ITGB1: variants seen among roughly 807,000 people sequenced by gnomAD.
The protein encoded by ITGB1 is integrin subunit beta 1.
A neutral mutation model predicts 86.5 loss-of-function variants in ITGB1; 24 were observed. The ratio of observed to expected loss-of-function variants is 0.28; its 90% CI spans 0.20 to 0.39. The LOEUF is 0.39. ITGB1 is among the 10% of genes least tolerant of loss of function. The pLI is 1.00. For synonymous variants in ITGB1, 323 were observed against 316.8 expected (o/e 1.02, Z -0.21); for missense variants, 556 against 946.9 (o/e 0.59, Z 5.42).
rs547872126 is a variant in ITGB1, at chr10:32,927,944, G to C, written c.547+150C>G. The C allele has an allele frequency of 8.1e-5, 43 of 532,772 alleles. 1 individual carries two copies. The highest frequency in any genetic ancestry group is 5.1e-4 in the Middle Eastern group (1 of 1,942). 33.0% of individuals were successfully genotyped at this position (532,772 alleles called of 1,614,324 possible). A position where few individuals can be genotyped will look rare whatever the true frequency, so the allele number is the denominator to read the frequency against. On this transcript the variant is annotated intron_variant, in intron 5 of 15. Coordinates refer to ENST00000302278, the MANE Select transcript of ITGB1 (RefSeq NM_002211.4). Reference sequence around the variant, plus strand: ...GAAAAGATTATTAAACGTGTGACTGGAATATCAACTTCCACTCAGAAAAGG... The same window carrying C: ...GAAAAGATTATTAAACGTGTGACTGCAATATCAACTTCCACTCAGAAAAGG...
At chr10:32,957,980 AG>A in intron 1 of ITGB1, 164 bp downstream of exon 1, 1 of 148,284 alleles carries the variant, frequency 6.7e-6, no homozygotes, top group East Asian at 2.1e-4. Flanking sequence ...ATCCTGCCCC[AG>A]CCCCCAACCG....
intron 1 of ITGB1, among the ~76,000 whole-genome samples, chr10:32,948,259 C>A (rs956050973): frequency 1.3e-5 from 2 of 152,020 alleles, no homozygotes; most frequent in African/African-American, 4.8e-5. Context: ...AGATTCCTGA[C>A]AAATGTGTTC....
intron 10 of ITGB1, 33 bp downstream of exon 10, chr10:32,920,212 T>A: frequency 6.3e-7 from 1 of 1,598,362 alleles, no homozygotes; most frequent in South Asian, 1.1e-5. Flanking sequence ...AAATAACCAA[T>A]GTTTTCTACA....
chr10:32,901,712 C>CT, intron 15 of ITGB1, 77 bp from the exon 16 acceptor site: 1 of 942,598 alleles, frequency 1.1e-6, no homozygotes, highest in Non-Finnish European at 1.7e-6. Flanking sequence ...TAAATCAAGA[C>CT]TAAAAGTTGC....
At chr10:32,947,031 C>T (rs997744821) in intron 1 of ITGB1, among the ~76,000 whole-genome samples, 1 of 151,924 alleles carries the variant, frequency 6.6e-6, no homozygotes, top group Admixed American at 6.6e-5. Context: ...TTAGTAGAGA[C>T]AGGGTTTTGC....
chr10:32,908,495 C>A lies in ITGB1; in HGVS notation c.2204G>T (p.Gly735Val). ...TGPDIIPIVA[G>V]VVAGIVLIGL... is the part of the protein sequence containing the mutation. ...AATAAGAACAATTCCAGCAACCACACCAGCTACAATTGGAATGATGTCTGG... is the reference window on the plus strand; with the variant it reads ...AATAAGAACAATTCCAGCAACCACAACAGCTACAATTGGAATGATGTCTGG... The change falls in exon 15 of 16, where the codon GGT (glycine) becomes GTT (valine). Residue 735 changes from glycine (G) to valine (V), a missense_variant. By Grantham distance (109) the Gly-to-Val change is moderately radical. This residue lies in a region of ITGB1 where 330 missense variants were observed against 531.5 expected (regional missense o/e 0.62). Coordinates refer to ENST00000302278, the MANE Select transcript of ITGB1 (RefSeq NM_002211.4). 6.2e-7 allele frequency: 1 copy of A among 1,613,620 alleles called. No individual in the cohort carries two copies. Among genetic ancestry groups the A allele is most frequent in the Non-Finnish European group, 8.5e-7 (1 of 1,179,662 alleles).
At chr10:32,925,070 C>T (rs1420779641) in intron 6 of ITGB1, among the ~76,000 whole-genome samples, 3 of 152,080 alleles carry the variant, frequency 2.0e-5, no homozygotes, top group Admixed American at 6.6e-5. Context: ...AAAATAACCA[C>T]TAAGAGGCCT....
At chr10:32,930,512 A>G (rs2094979927) in intron 3 of ITGB1, among the ~76,000 whole-genome samples, 1 of 152,208 alleles carries the variant, frequency 6.6e-6, no homozygotes, top group African/African-American at 2.4e-5. Context: ...GACGAGCTTA[A>G]AAACATCTCA....
chr10:32,926,192 T>C (rs2094963942), intron 5 of ITGB1, 83 bp from the exon 6 acceptor site: 2 of 1,053,196 alleles, frequency 1.9e-6, no homozygotes, highest in Admixed American at 1.9e-5. Context: ...AAAAAATTCA[T>C]CTATGTTACC....
intron 1 of ITGB1, among the ~76,000 whole-genome samples, chr10:32,947,884 A>G (rs1233338641): frequency 6.6e-6 from 1 of 152,218 alleles, no homozygotes; most frequent in Non-Finnish European, 1.5e-5. Context: ...ATACACATAA[A>G]ACATTTAAAA....
intron 1 of ITGB1, among the ~76,000 whole-genome samples, chr10:32,940,343 C>CAAA (rs35732606): frequency 9.2e-6 from 1 of 108,984 alleles, no homozygotes; most frequent in Non-Finnish European, 2.1e-5. Context: ...GACTCCATCT[C>CAAA]AAAAAAAAAA....
intron 2 of ITGB1, among the ~76,000 whole-genome samples, chr10:32,934,564 C>A (rs2094994694): frequency 6.6e-6 from 1 of 152,142 alleles, no homozygotes; most frequent in Admixed American, 6.5e-5. Context: ...ACCACATTTC[C>A]AACCGAAGTG....
chr10:32,914,714 T>G (rs2094925993), intron 11 of ITGB1, among the ~76,000 whole-genome samples: 1 of 151,928 alleles, frequency 6.6e-6, no homozygotes, highest in Non-Finnish European at 1.5e-5. Flanking sequence ...ACAATAATAA[T>G]GGGAGACTTT....
chr10:32,908,196 T>C lies in ITGB1; in HGVS notation c.2331+172A>G. On this transcript the variant is annotated intron_variant, in intron 15 of 15. Transcript: ENST00000302278. ...ATGTTTTGTTTCAATGGGATATATT[T>C]AGGATGCTTTCTGTTTTTCACTAAA... 3 of 638,458 alleles carry C rather than the reference T, an allele frequency of 4.7e-6. 1 individual carries two copies. The South Asian group carries it at 5.8e-5, about 12-fold the overall frequency. The allele number at this position is 638,458 out of a possible 1,614,324, so 39.5% of individuals were successfully genotyped here. A position where few individuals can be genotyped will look rare whatever the true frequency, so the allele number is the denominator to read the frequency against.
intron 9 of ITGB1, 62 bp from the exon 10 acceptor site, chr10:32,920,447 A>C (rs1054142325): frequency 1.2e-5 from 18 of 1,454,030 alleles, no homozygotes; most frequent in Non-Finnish European, 1.4e-5. Flanking sequence ...AATGCATAAA[A>C]CCAATGGATA....
intron 2 of ITGB1, among the ~76,000 whole-genome samples, 170 bp downstream of exon 2, chr10:32,935,322 G>A (rs771731178): frequency 4.6e-5 from 7 of 152,134 alleles, no homozygotes; most frequent in Non-Finnish European, 1.0e-4. Context: ...GGGGTGAGGG[G>A]AGCCTGACCA....
intron 1 of ITGB1, among the ~76,000 whole-genome samples, chr10:32,939,517 G>C (rs1186783468): frequency 6.6e-6 from 1 of 152,162 alleles, no homozygotes; most frequent in Non-Finnish European, 1.5e-5. Context: ...ATTGCCCCTA[G>C]GCTACACACC....
intron 1 of ITGB1, among the ~76,000 whole-genome samples, chr10:32,947,468 T>TGTGTGTGTGTGTGTGTGTGTAC (rs1555222166): frequency 6.7e-6 from 1 of 150,312 alleles, no homozygotes; most frequent in Non-Finnish European, 1.5e-5. Context: ...TGTGTGTGTG[T>TGTGTGTGTGTGTGTGTGTGTAC]ACGTACATAC....
chr10:32,903,245 A>C (rs1386377828), intron 15 of ITGB1, among the ~76,000 whole-genome samples: 5 of 149,726 alleles, frequency 3.3e-5, no homozygotes, highest in Non-Finnish European at 5.9e-5. Context: ...CCAGCTACTC[A>C]TGAAGCTGGG....
Sources: gnomAD v4.1 joint callset for allele counts (sites outside exome capture counted in the v4.1 genomes callset) on GRCh38, gnomAD v4.1.1 for gene constraint, gnomAD v4.1.1 regional missense constraint, MANE v1.5 for transcripts, NCBI Gene and HGNC (gene_info 2026-07-23, HGNC 2026-07-21) for gene names.